The following IZUMO1 variants were observed in gnomAD, a reference collection of about 807,000 sequenced individuals.
IZUMO1 encodes the protein izumo sperm-oocyte fusion 1.
IZUMO1 carries 44 observed loss-of-function variants against 40.7 expected under a neutral mutation model. The observed-to-expected ratio is 1.08, with a 90% confidence interval of 0.85 to 1.39. IZUMO1 has a LOEUF of 1.39. Among genes scored for constraint, IZUMO1 ranks in the 40% most tolerant of loss-of-function variants. The probability of loss-of-function intolerance (pLI) is 0.00; values close to 1 mark genes in which losing one functional copy is unlikely to be tolerated. For missense variants in IZUMO1, 368 were observed against 436.9 expected, an observed-to-expected ratio of 0.84 and a Z score of 1.41; for synonymous variants, 149 against 170.9, an observed-to-expected ratio of 0.87 and a Z score of 1.00.
Position 48,745,723 on chromosome 19 carries a change from T to C in IZUMO1, c.137A>G (p.Asp46Gly). 6.2e-7 allele frequency: 1 copy of C among 1,614,210 alleles called. No individual in the cohort carries two copies. Reference protein sequence around the residue: ...LEKDYLPGHLDAKHHKAMMER... With the variant: ...LEKDYLPGHLGAKHHKAMMER... ...CATCATGGCTTTGTGATGCTTCGCA[T>C]CCAGGTGGCCAGGCAGGTAATCTTT... Residue 46 changes from aspartate (D) to glycine (G), a missense_variant, in exon 2 of 10, where the codon GAT (aspartate) becomes GGT (glycine). Coordinates refer to ENST00000332955, the MANE Select transcript of IZUMO1 (RefSeq NM_182575.3).
At chr19:48,744,086 G>T in intron 5 of IZUMO1, 89 bp downstream of exon 5, 1 of 1,217,176 alleles carries the variant, frequency 8.2e-7, no homozygotes, top group South Asian at 1.2e-5. Context: ...GGCAGAGAAT[G>T]ACAAAACCAC....
chr19:48,745,917 C>G lies in IZUMO1; in HGVS notation c.-58G>C, dbSNP rs1040632424. The G allele has an allele frequency of 4.4e-6, 7 of 1,604,982 alleles. No individual in the cohort carries two copies. Among genetic ancestry groups the G allele is most frequent in the Non-Finnish European group, 6.0e-6 (7 of 1,173,782 alleles). ...TAGGAAGGGTGCTCTCACCCCAAAC[C>G]GAGAGCAGGAGAACGCTAAACGGAG... is the stretch of plus-strand genomic sequence containing the variant. On this transcript the variant is annotated 5_prime_UTR_variant, in exon 2 of 10. Coordinates refer to ENST00000332955, the MANE Select transcript of IZUMO1 (RefSeq NM_182575.3).
At position 48,745,698 on chromosome 19, in the gene IZUMO1, C is replaced by T. The variant is rs750462479; in HGVS notation, c.162G>A (p.Met54Ile). 7 of 1,614,210 alleles carry T rather than the reference C, an allele frequency of 4.3e-6. No homozygotes were observed. The South Asian group carries it at 6.6e-5, about 15-fold the overall frequency. ...CCTTCACGGCATTCTCTACCCTTTC[C>T]ATCATGGCTTTGTGATGCTTCGCAT... ...HLDAKHHKAM[M>I]ERVENAVKDF... The change falls in exon 2 of 10, where the codon ATG (methionine) becomes ATA (isoleucine). Residue 54 changes from methionine to isoleucine, a missense_variant. Coordinates refer to ENST00000332955, the MANE Select transcript of IZUMO1 (RefSeq NM_182575.3).
intron 4 of IZUMO1, 46 bp from the exon 5 acceptor site, chr19:48,744,241 T>A: frequency 1.3e-6 from 2 of 1,574,226 alleles, no homozygotes; most frequent in Non-Finnish European, 1.7e-6. Flanking sequence ...GATGACAGAG[T>A]CAGATTTCTA....
rs779418465 is a variant in IZUMO1 at position 48,743,473 on chromosome 19, G to A, written c.471C>T (p.His157=). 21 of 1,613,976 alleles carry A rather than the reference G, an allele frequency of 1.3e-5. No homozygotes were observed. Among genetic ancestry groups the A allele is most frequent in the Middle Eastern group, 1.6e-4 (1 of 6,084 alleles). ...CGCAATCGTAGGACTTTCGACAAGC[G>A]TGAACCTCCTTTTTGCAGTTCTTGC... The part of the protein sequence containing the change: ...IWCKNCKKEV[H]ACRKSYDCGE... The change falls in exon 6 of 10, where the codon CAC becomes CAT. Residue 157 remains histidine, a synonymous_variant. Transcript: ENST00000332955.
rs2033695907 is a variant in IZUMO1, at chr19:48,741,631, G to A, written c.755-153C>T. The A allele has an allele frequency of 8.1e-7, 1 of 1,238,190 alleles. No individual in the cohort carries two copies. Among genetic ancestry groups the A allele is most frequent in the African/African-American group, 1.5e-5 (1 of 66,240 alleles). 76.7% of individuals were successfully genotyped at this position (1,238,190 alleles called of 1,614,324 possible). A position where few individuals can be genotyped will look rare whatever the true frequency, so the allele number is the denominator to read the frequency against. ...CACCCAAGGGAACCCCTGTCCTCGGGGCCAGAGGCCACGCCCCCGGCAGGA... is the reference window on the plus strand; with the variant it reads ...CACCCAAGGGAACCCCTGTCCTCGGAGCCAGAGGCCACGCCCCCGGCAGGA... On this transcript the variant is annotated intron_variant, in intron 8 of 9. Coordinates refer to ENST00000332955, the MANE Select transcript of IZUMO1 (RefSeq NM_182575.3). This position sits in a 1 kb window ranked among gnomAD's most constrained non-coding sequence, Gnocchi z 4.4.
rs1010524970 is a variant in IZUMO1, at chr19:48,746,883, G to T, written c.-522C>A. ...CACCCCCTCCGAGCTTCTCACGTAG[G>T]GGCCCGAATTCCTTTATAGATATTC... On this transcript the variant is annotated 5_prime_UTR_variant, in exon 1 of 10. Transcript: ENST00000332955. The T allele has an allele frequency of 1.4e-5, 14 of 985,252 alleles. No individual in the cohort carries two copies. Among genetic ancestry groups the T allele is most frequent in the Non-Finnish European group, 1.7e-5 (14 of 829,914 alleles). The allele number at this position is 985,252 out of a possible 1,614,324, so 61.0% of individuals were successfully genotyped here.
At position 48,746,886 on chromosome 19, in the gene IZUMO1, C is replaced by G. The variant is rs17297777; in HGVS notation, c.-525G>C. The G allele has an allele frequency of 1.0e-6, 1 of 985,418 alleles. No homozygotes were observed. The highest frequency in any genetic ancestry group is 1.2e-6 in the Non-Finnish European group (1 of 829,900). The allele number at this position is 985,418 out of a possible 1,614,324, so 61.0% of individuals were successfully genotyped here. The stretch of plus-strand genomic sequence containing the variant: ...CCCCTCCGAGCTTCTCACGTAGGGG[C>G]CCGAATTCCTTTATAGATATTCCTT... On this transcript the variant is annotated 5_prime_UTR_variant, in exon 1 of 10. Transcript: ENST00000332955.
chr19:48,744,102 T>A, intron 5 of IZUMO1, 73 bp downstream of exon 5: 1 of 1,361,974 alleles, frequency 7.3e-7, no homozygotes, highest in Non-Finnish European at 1.1e-6. Flanking sequence ...ACCACCAGGA[T>A]CCAAAAAGGC....
rs771437746 is a variant in IZUMO1, at chr19:48,745,200, C to T, written c.310+14G>A. 4 of 1,609,150 alleles carry T rather than the reference C, an allele frequency of 2.5e-6. No homozygotes were observed. The African/African-American group carries it at 4.0e-5, about 16-fold the overall frequency. Reference sequence around the variant, plus strand: ...CTGAGAGATTCGGGACTCCCACCCCCTTGATGCATTTACCTTTTACATCAC... The same window carrying T: ...CTGAGAGATTCGGGACTCCCACCCCTTTGATGCATTTACCTTTTACATCAC... On this transcript the variant is annotated intron_variant, in intron 3 of 9. Coordinates refer to ENST00000332955, the MANE Select transcript of IZUMO1 (RefSeq NM_182575.3).
At position 48,740,985 on chromosome 19, in the gene IZUMO1, G is replaced by C; in HGVS notation, c.976C>G (p.Leu326Val). ...GCCGCTCCACTGCCAAGGCCAAACA[G>C]TGAGGATTTGATGAAATCGATCACC... ...RKVIDFIKSSLFGLGSGAAEQ... is the reference protein window; with the variant it reads ...RKVIDFIKSSVFGLGSGAAEQ... Residue 326 changes from leucine (L) to valine (V), a missense_variant, in exon 10 of 10, where the codon CTG becomes GTG. By Grantham distance (32) the Leu-to-Val change is conservative (BLOSUM62 1). Transcript: ENST00000332955. This position sits in a 1 kb window ranked among gnomAD's most constrained non-coding sequence, Gnocchi z 5.5. 1 of 1,614,180 alleles carries C rather than the reference G, an allele frequency of 6.2e-7. No homozygotes were observed. The highest frequency in any genetic ancestry group is 8.5e-7 in the Non-Finnish European group (1 of 1,180,016).
In IZUMO1 at chr19:48,741,030, T is replaced by C. The variant is rs749234230; in HGVS notation, c.933-2A>G. On this transcript the variant is annotated splice_acceptor_variant, in intron 9 of 9. Coordinates refer to ENST00000332955, the MANE Select transcript of IZUMO1 (RefSeq NM_182575.3). LOFTEE classifies it high-confidence loss of function. This position sits in a 1 kb window ranked among gnomAD's most constrained non-coding sequence, Gnocchi z 4.4. ...ATCACCTTCCTTCGACGAAATATCC[T>C]AGGGGTGGGAGTGGGGTGCAGATCA... The C allele has an allele frequency of 6.2e-7, 1 of 1,613,830 alleles. No homozygotes were observed. The highest frequency in any genetic ancestry group is 1.1e-5 in the South Asian group (1 of 91,058).
In IZUMO1 at chr19:48,741,766, T is replaced by A; in HGVS notation, c.754+23A>T. 2.6e-6 allele frequency: 4 copies of A among 1,535,844 alleles called. No individual in the cohort carries two copies. Among genetic ancestry groups the A allele is most frequent in the Non-Finnish European group, 3.5e-6 (4 of 1,137,120 alleles). On this transcript the variant is annotated intron_variant, in intron 8 of 9. Transcript: ENST00000332955. The surrounding 1 kb of genome is among the most constrained non-coding windows in gnomAD (Gnocchi z 4.4). The stretch of plus-strand genomic sequence containing the variant: ...TTTCCTGGGCCCTGAATCCTACACT[T>A]CTCTCAGCCCCACAGCACTGACCTG...
rs774276655 is a variant in IZUMO1 at position 48,745,764 on chromosome 19, C to A, written c.96G>T (p.Ala32=). 1.9e-6 allele frequency: 3 copies of A among 1,614,174 alleles called. No individual in the cohort carries two copies. The South Asian group carries it at 3.3e-5, about 18-fold the overall frequency. The change falls in exon 2 of 10, where the codon GCG becomes GCT. Residue 32 remains alanine (A), a synonymous_variant. Transcript: ENST00000332955. The stretch of plus-strand genomic sequence containing the variant: ...GGTAATCTTTCTCCAGGGACTTTAG[C>A]GCCAGCACGACAGACGGGTCACATA... ...CVICDPSVVL[A]LKSLEKDYLP... is the part of the protein sequence containing the mutation.
chr19:48,746,316 C>G, intron 1 of IZUMO1, 119 bp downstream of exon 1: 1 of 1,011,710 alleles, frequency 9.9e-7, no homozygotes, highest in Non-Finnish European at 1.2e-6. Context: ...CCCCCGCCAG[C>G]CCCCCAAAAC....
intron 4 of IZUMO1, 114 bp from the exon 5 acceptor site, chr19:48,744,309 T>A (rs2033812983): frequency 7.7e-7 from 1 of 1,290,736 alleles, no homozygotes; most frequent in Admixed American, 1.7e-5. Flanking sequence ...GCTTTTGGGT[T>A]CGAGGGAGAA....
In IZUMO1 at chr19:48,746,548, AG is replaced by A; in HGVS notation, c.-188del. 1 of 985,940 alleles carries A rather than the reference AG, an allele frequency of 1.0e-6. No individual in the cohort carries two copies. Among genetic ancestry groups the A allele is most frequent in the Non-Finnish European group, 1.2e-6 (1 of 830,330 alleles). 61.1% of individuals were successfully genotyped at this position (985,940 alleles called of 1,614,324 possible). ...CAAAACTAACGGGCTCCCAATTTGCAGGGCGCACCCTTCCGCTTAGAAAAAG... is the reference window on the plus strand; with the variant it reads ...CAAAACTAACGGGCTCCCAATTTGCAGGCGCACCCTTCCGCTTAGAAAAAG... On this transcript the variant is annotated 5_prime_UTR_variant, in exon 1 of 10. It removes the in-frame stop codon of an upstream open reading frame in the 5' UTR. Coordinates refer to ENST00000332955, the MANE Select transcript of IZUMO1 (RefSeq NM_182575.3).
chr19:48,741,506 C>A lies in IZUMO1; in HGVS notation c.755-28G>T. The A allele has an allele frequency of 6.3e-7, 1 of 1,587,438 alleles. No homozygotes were observed. Among genetic ancestry groups the A allele is most frequent in the Non-Finnish European group, 8.6e-7 (1 of 1,160,338 alleles). ...GTTAGAGAAAGCGTAAAGAGCAGTC[C>A]TGGCAGGGCGTGGAGTTCCTGCCCT... On this transcript the variant is annotated intron_variant, in intron 8 of 9. Coordinates refer to ENST00000332955, the MANE Select transcript of IZUMO1 (RefSeq NM_182575.3). This position sits in a 1 kb window ranked among gnomAD's most constrained non-coding sequence, Gnocchi z 4.4.
At position 48,741,827 on chromosome 19, in the gene IZUMO1, T is replaced by G; in HGVS notation, c.716A>C (p.Asn239Thr). The change falls in exon 8 of 10, where the codon AAT becomes ACT. Residue 239 changes from asparagine to threonine, a missense_variant. By Grantham distance (65) the Asn-to-Thr change is moderately conservative. Coordinates refer to ENST00000332955, the MANE Select transcript of IZUMO1 (RefSeq NM_182575.3). This position sits in a 1 kb window ranked among gnomAD's most constrained non-coding sequence, Gnocchi z 4.4. ...ATTGATGATCGTGGCTGGGCTGGAA[T>G]TCACAGAGCCCAGCTCGCAGCGGTA... The part of the protein sequence containing the change: ...GSYRCELGSV[N>T]SSPATIINFH... The G allele has an allele frequency of 6.2e-7, 1 of 1,603,760 alleles. No individual in the cohort carries two copies. Among genetic ancestry groups the G allele is most frequent in the Non-Finnish European group, 8.5e-7 (1 of 1,172,324 alleles).
Sources: allele counts gnomAD v4.1 joint callset, GRCh38; gene constraint gnomAD v4.1.1; non-coding constraint Gnocchi (gnomAD v3.1); transcripts MANE v1.5; gene names NCBI Gene and HGNC (gene_info 2026-07-23, HGNC 2026-07-21).